Variants in PLXNA4 observed in about 807,000 individuals in gnomAD.
PLXNA4 encodes plexin-A4.
In PLXNA4, 44 loss-of-function variants were observed where a neutral mutation model predicts 191.8. That is an observed-to-expected ratio of 0.23 (90% confidence interval 0.18 to 0.29). The LOEUF (loss-of-function observed/expected upper bound fraction) is 0.29. PLXNA4 is among the 10% of genes least tolerant of loss of function. The pLI, the probability that PLXNA4 is intolerant of heterozygous loss-of-function variation, is 1.00. For synonymous variants in PLXNA4, 1,082 were observed against 1,009.5 expected (o/e 1.07, Z -1.36); for missense variants, 1,800 against 2,488.8 (o/e 0.72, Z 5.89).
chr7:132,498,197 A>G (rs1798105661), intron 2 of PLXNA4, among the ~76,000 whole-genome samples: 1 of 152,198 alleles, frequency 6.6e-6, no homozygotes, highest in African/African-American at 2.4e-5. Flanking sequence ...TAACTGTTCT[A>G]TTTTATGATT....
intron 2 of PLXNA4, among the ~76,000 whole-genome samples, chr7:132,641,720 C>T (rs757194564): frequency 1.1e-4 from 16 of 152,092 alleles, no homozygotes; most frequent in Non-Finnish European, 1.9e-4. Flanking sequence ...CTTTTTGTTT[C>T]GGTACCAAAT....
chr7:132,333,680 C>T (rs564829034), intron 3 of PLXNA4, among the ~76,000 whole-genome samples: 36 of 152,278 alleles, frequency 2.4e-4, no homozygotes, highest in Middle Eastern at 3.4e-3. Context: ...AGATGAGAGG[C>T]AAGGCTTGGG....
In PLXNA4 at chr7:132,508,563, C is replaced by T. The variant is rs1165345818; in HGVS notation, c.131G>A (p.Arg44Gln). The change falls in exon 2 of 32, where the codon CGA becomes CAA. Residue 44 changes from arginine (R) to glutamine (Q), a missense_variant. This residue lies in a region of PLXNA4 where 1,397 missense variants were observed against 1,880.4 expected (regional missense o/e 0.74). Transcript: ENST00000321063. The surrounding 1 kb of genome is among the most constrained non-coding windows in gnomAD (Gnocchi z 4.4). ...SQKQRSFVTF[R>Q]GEPAEGFNHL... ...ATTGAAACCCTCGGCGGGCTCTCCT[C>T]GGAATGTGACAAATGACCGCTGCTT... The T allele has an allele frequency of 3.7e-6, 6 of 1,614,038 alleles. No individual in the cohort carries two copies. The highest frequency in any genetic ancestry group is 1.1e-5 in the South Asian group (1 of 91,080).
At chr7:132,334,025 A>C (rs62466382) in intron 3 of PLXNA4, among the ~76,000 whole-genome samples, 16,567 of 152,198 alleles carry the variant, frequency 0.11, 1,143 homozygotes, top group Admixed American at 0.21. Flanking sequence ...ATGCTTATTA[A>C]ATGTGTTTAA....
At chr7:132,444,868 T>G (rs1795836789) in intron 3 of PLXNA4, among the ~76,000 whole-genome samples, 1 of 151,804 alleles carries the variant, frequency 6.6e-6, no homozygotes, top group African/African-American at 2.4e-5. Flanking sequence ...TTAAAACCCT[T>G]AAGATTGGTT....
intron 25 of PLXNA4, among the ~76,000 whole-genome samples, chr7:132,155,158 T>A (rs1397116944): frequency 6.6e-6 from 1 of 152,148 alleles, no homozygotes; most frequent in African/African-American, 2.4e-5. Flanking sequence ...GATAGAGCAT[T>A]TGCATTAAAC....
intron 2 of PLXNA4, among the ~76,000 whole-genome samples, chr7:132,590,379 G>A (rs113014463): frequency 6.6e-6 from 1 of 152,184 alleles, no homozygotes; most frequent in African/African-American, 2.4e-5. Context: ...ATAAAGAGGA[G>A]TTTATTAAGG....
At chr7:132,463,730 G>T (rs776044971) in intron 3 of PLXNA4, among the ~76,000 whole-genome samples, 5 of 152,184 alleles carry the variant, frequency 3.3e-5, no homozygotes, top group Non-Finnish European at 7.3e-5. Flanking sequence ...CTTACTTTCA[G>T]CTGGACTATG....
At chr7:132,223,297 G>A (rs1032600477) in intron 9 of PLXNA4, among the ~76,000 whole-genome samples, 1 of 152,138 alleles carries the variant, frequency 6.6e-6, no homozygotes, top group Non-Finnish European at 1.5e-5. Flanking sequence ...GGAGTGACCT[G>A]GAATACACCT....
At chr7:132,241,723 C>T (rs921580787) in intron 4 of PLXNA4, among the ~76,000 whole-genome samples, 35 of 152,198 alleles carry the variant, frequency 2.3e-4, no homozygotes, top group African/African-American at 6.3e-4. Context: ...CACTCTGTAG[C>T]TGTTACTTGC....
At chr7:132,308,656 C>T (rs994170134) in intron 3 of PLXNA4, among the ~76,000 whole-genome samples, 3 of 152,114 alleles carry the variant, frequency 2.0e-5, no homozygotes, top group Non-Finnish European at 4.4e-5. Flanking sequence ...CTCAGACAAT[C>T]TACTAAACTT....
intron 3 of PLXNA4, among the ~76,000 whole-genome samples, chr7:132,435,655 A>T (rs1795443658): frequency 6.6e-6 from 1 of 152,178 alleles, no homozygotes; most frequent in Non-Finnish European, 1.5e-5. Context: ...TGCTGGGGCC[A>T]CCTGTGTTCG....
At chr7:132,323,581 G>T (rs1387073367) in intron 3 of PLXNA4, among the ~76,000 whole-genome samples, 1 of 152,062 alleles carries the variant, frequency 6.6e-6, no homozygotes, top group Non-Finnish European at 1.5e-5. Flanking sequence ...CTGCTCCACG[G>T]CTCTGCTGTG....
At position 132,572,173 on chromosome 7, in the gene PLXNA4, T is replaced by C. The variant is rs182824398; in HGVS notation, c.-87+4249A>G. On this transcript the variant is annotated intron_variant, in intron 1 of 31. Transcript: ENST00000321063. Reference sequence around the variant, plus strand: ...CACAGTGATGAGGAGAAAGGTCAGATTGCTCACAAGTGAGACTTGGCTCCA... The same window carrying C: ...CACAGTGATGAGGAGAAAGGTCAGACTGCTCACAAGTGAGACTTGGCTCCA... Among the ~76,000 whole-genome samples, 33 of 152,296 alleles carry C rather than the reference T, an allele frequency of 2.2e-4. 1 individual carries two copies. The South Asian group carries it at 3.9e-3, about 18-fold the overall frequency.
intron 3 of PLXNA4, among the ~76,000 whole-genome samples, chr7:132,457,711 G>A (rs1796361330): frequency 6.6e-6 from 1 of 152,200 alleles, no homozygotes; most frequent in African/African-American, 2.4e-5. Context: ...GCAATTGCAA[G>A]TATTCTTTTA....
intron 4 of PLXNA4, among the ~76,000 whole-genome samples, chr7:132,260,603 C>A (rs1473602522): frequency 1.3e-5 from 2 of 151,606 alleles, no homozygotes; most frequent in Non-Finnish European, 2.9e-5. Flanking sequence ...ATTTGTACAC[C>A]AAACTTCAGC....
intron 4 of PLXNA4, among the ~76,000 whole-genome samples, chr7:132,268,225 G>A (rs561283355): frequency 1.3e-5 from 2 of 152,302 alleles, no homozygotes; most frequent in South Asian, 4.2e-4. Flanking sequence ...AACCTGTCAT[G>A]ACTGTGCTGG....
intron 3 of PLXNA4, among the ~76,000 whole-genome samples, chr7:132,379,100 C>G (rs1804783585): frequency 6.6e-6 from 1 of 152,188 alleles, no homozygotes; most frequent in African/African-American, 2.4e-5. Context: ...ATCCGTCCAC[C>G]TCAGCCTCCC....
intron 3 of PLXNA4, among the ~76,000 whole-genome samples, chr7:132,449,409 T>C (rs1796034426): frequency 6.6e-6 from 1 of 152,176 alleles, no homozygotes; most frequent in African/African-American, 2.4e-5. Context: ...CATGTCCACA[T>C]TCAGAAGTGG....
Sources: gnomAD v4.1 joint callset for allele counts (sites outside exome capture counted in the v4.1 genomes callset) on GRCh38, gnomAD v4.1.1 for gene constraint, gnomAD v4.1.1 regional missense constraint, Gnocchi (gnomAD v3.1) non-coding constraint, MANE v1.5 for transcripts, NCBI Gene and HGNC (gene_info 2026-07-23, HGNC 2026-07-21) for gene names.